Variants in METTL25 observed in about 807,000 individuals in gnomAD.
The protein encoded by METTL25 is methyltransferase like 25.
Under a neutral mutation model 71.6 loss-of-function variants are expected in METTL25, and 64 were observed. The ratio of observed to expected loss-of-function variants is 0.89; its 90% CI spans 0.73 to 1.10. METTL25 has a LOEUF of 1.10. Among genes scored for constraint, METTL25 ranks in the 50% least tolerant of loss-of-function variants. The pLI, the probability that METTL25 is intolerant of heterozygous loss-of-function variation, is 0.00. For synonymous variants in METTL25, 287 were observed against 250.3 expected (o/e 1.15, Z -1.38); for missense variants, 807 against 707.0 (o/e 1.14, Z -1.60).
intron 8 of METTL25, among the ~76,000 whole-genome samples, chr12:82,444,415 C>T (rs1427412960): frequency 1.3e-5 from 2 of 152,024 alleles, no homozygotes; most frequent in African/African-American, 2.4e-5. Context: ...GTTCTTCAGT[C>T]GGAAAGAGAA....
intron 9 of METTL25, among the ~76,000 whole-genome samples, 193 bp downstream of exon 9, chr12:82,457,013 A>G (rs1891541747): frequency 5.9e-5 from 9 of 151,938 alleles, no homozygotes; most frequent in Admixed American, 5.9e-4. Context: ...GTTTACTGTC[A>G]TGTATCTCCA....
At chr12:82,382,877 T>G (rs995064578) in intron 1 of METTL25, among the ~76,000 whole-genome samples, 1 of 151,938 alleles carries the variant, frequency 6.6e-6, no homozygotes, top group African/African-American at 2.4e-5. Context: ...CCCAGCTAAT[T>G]TTTTAAAATT....
intron 8 of METTL25, among the ~76,000 whole-genome samples, chr12:82,444,549 C>G (rs1890605739): frequency 6.6e-6 from 1 of 151,990 alleles, no homozygotes; most frequent in Non-Finnish European, 1.5e-5. Context: ...AATTCATATC[C>G]CTGGTATAAA....
intron 8 of METTL25, among the ~76,000 whole-genome samples, chr12:82,450,528 A>G (rs559466755): frequency 2.0e-5 from 3 of 152,190 alleles, no homozygotes; most frequent in South Asian, 2.1e-4. Flanking sequence ...ACTATAGCCT[A>G]TTCTTTACAC....
At chr12:82,365,474 A>G (rs1309693934) in intron 1 of METTL25, among the ~76,000 whole-genome samples, 1 of 152,232 alleles carries the variant, frequency 6.6e-6, no homozygotes, top group Non-Finnish European at 1.5e-5. Context: ...CAGCTTCTAA[A>G]TATTTTGCTG....
At chr12:82,478,838 ATGTATTTTTTATATTAC>A in intron 11 of METTL25, 77 bp from the exon 12 acceptor site, 1 of 933,558 alleles carries the variant, frequency 1.1e-6, no homozygotes. Context: ...CTTTGTTTTT[ATGTATTTTTTATATTAC>A]AATATATAAT....
intron 9 of METTL25, among the ~76,000 whole-genome samples, chr12:82,470,203 T>C (rs1464885693): frequency 1.3e-5 from 2 of 152,218 alleles, no homozygotes; most frequent in Non-Finnish European, 2.9e-5. Context: ...CTTATTTCTA[T>C]ATTATAACTC....
intron 5 of METTL25, among the ~76,000 whole-genome samples, chr12:82,418,728 G>A (rs1457859438): frequency 1.3e-5 from 2 of 152,108 alleles, no homozygotes; most frequent in African/African-American, 4.8e-5. Context: ...ATAGATTGAG[G>A]TCTGCAGCTG....
intron 9 of METTL25, among the ~76,000 whole-genome samples, chr12:82,475,042 C>G (rs1330950327): frequency 1.3e-5 from 2 of 152,154 alleles, no homozygotes; most frequent in Non-Finnish European, 2.9e-5. Context: ...GAAACAAATA[C>G]AACTGGTGAC....
At chr12:82,445,442 C>G (rs1161794215) in intron 8 of METTL25, among the ~76,000 whole-genome samples, 1 of 151,790 alleles carries the variant, frequency 6.6e-6, no homozygotes, top group South Asian at 2.1e-4. Context: ...AATTTTATAG[C>G]CACCTCTTAT....
chr12:82,364,124 G>C (rs908931703), intron 1 of METTL25, among the ~76,000 whole-genome samples: 1 of 152,202 alleles, frequency 6.6e-6, no homozygotes, highest in African/African-American at 2.4e-5. Context: ...CAGTTTTTGT[G>C]GGTCAGGAAT....
At chr12:82,404,119 G>A (rs1015914277) in intron 5 of METTL25, among the ~76,000 whole-genome samples, 2 of 151,930 alleles carry the variant, frequency 1.3e-5, no homozygotes, top group Non-Finnish European at 2.9e-5. Flanking sequence ...ACATTTTTAC[G>A]AAATATAGTT....
chr12:82,412,039 T>C (rs1887595098), intron 5 of METTL25, among the ~76,000 whole-genome samples: 1 of 152,132 alleles, frequency 6.6e-6, no homozygotes, highest in Non-Finnish European at 1.5e-5. Context: ...AACATGTTTA[T>C]GGAAGAACAT....
chr12:82,458,013 CATT>C (rs2137260015), intron 9 of METTL25, among the ~76,000 whole-genome samples: 1 of 152,176 alleles, frequency 6.6e-6, no homozygotes, highest in African/African-American at 2.4e-5. Flanking sequence ...CAAACCTAAG[CATT>C]ATTGTCACAA....
chr12:82,478,334 T>A (rs775123856), intron 11 of METTL25, among the ~76,000 whole-genome samples: 1 of 151,950 alleles, frequency 6.6e-6, no homozygotes, highest in South Asian at 2.1e-4. Flanking sequence ...ATTTTTAATA[T>A]TTCAATTAAT....
At chr12:82,447,493 T>G (rs1488305003) in intron 8 of METTL25, among the ~76,000 whole-genome samples, 1 of 152,258 alleles carries the variant, frequency 6.6e-6, no homozygotes, top group African/African-American at 2.4e-5. Flanking sequence ...TCAGAAAAAC[T>G]CCTATAAAAT....
chr12:82,469,254 T>TC (rs1892428635), intron 9 of METTL25, among the ~76,000 whole-genome samples: 1 of 152,134 alleles, frequency 6.6e-6, no homozygotes, highest in Non-Finnish European at 1.5e-5. Flanking sequence ...TGCATGTGGT[T>TC]CTGTTGAGAG....
intron 1 of METTL25, among the ~76,000 whole-genome samples, chr12:82,359,487 CAT>C (rs1881514367): frequency 6.6e-6 from 1 of 152,170 alleles, no homozygotes; most frequent in Non-Finnish European, 1.5e-5. Context: ...ATTTAGGCAA[CAT>C]AGTGACCTAA....
intron 4 of METTL25, among the ~76,000 whole-genome samples, chr12:82,402,145 A>G (rs1314792190): frequency 2.6e-5 from 4 of 152,056 alleles, no homozygotes; most frequent in Admixed American, 1.3e-4. Flanking sequence ...TAAACATTTC[A>G]TAGGAGAATT....
Sources: gnomAD v4.1 joint callset for allele counts (sites outside exome capture counted in the v4.1 genomes callset) on GRCh38, gnomAD v4.1.1 for gene constraint, MANE v1.5 for transcripts, NCBI Gene and HGNC (gene_info 2026-07-23, HGNC 2026-07-21) for gene names.